The following TMEM19 variants were observed in gnomAD, a reference collection of about 807,000 sequenced individuals.
TMEM19 encodes transmembrane protein 19.
A neutral mutation model predicts 33.6 loss-of-function variants in TMEM19; 21 were observed. The observed-to-expected ratio is 0.62, with a 90% CI of 0.44 to 0.90. The LOEUF is 0.90. Ranked by LOEUF, TMEM19 falls within the 40% of genes least tolerant of loss-of-function variation. TMEM19 has a pLI of 0.00. For missense variants in TMEM19, 402 were observed against 401.8 expected, an observed-to-expected ratio of 1.00 and a Z score of 0.00; for synonymous variants, 149 against 147.5, an observed-to-expected ratio of 1.01 and a Z score of -0.07.
Position 71,686,417 on chromosome 12 carries a change from G to GCCGGCGA in TMEM19, c.-258_-252dup. 3.0e-6 allele frequency: 1 copy of GCCGGCGA among 332,484 alleles called. No individual in the cohort carries two copies. The highest frequency in any genetic ancestry group is 5.5e-6 in the Non-Finnish European group (1 of 182,708). The allele number at this position is 332,484 out of a possible 1,614,324, so 20.6% of individuals were successfully genotyped here. A position where few individuals can be genotyped will look rare whatever the true frequency, so the allele number is the denominator to read the frequency against. On this transcript the variant is annotated 5_prime_UTR_variant, in exon 1 of 6. Transcript: ENST00000266673. ...GCGTGAGGCGCTGAAGCGGCCGGCA[G>GCCGGCGA]CCGGCGACCGGCCCTCACCGTCCGC...
chr12:71,703,881 C>A lies in TMEM19; in HGVS notation c.*2886C>A. On this transcript the variant is annotated 3_prime_UTR_variant, in exon 6 of 6. Transcript: ENST00000266673. ...GAGGATAAGAAATTGTGTCTCTGTCCTTTTTTTTTTTTTTTGTTAAGTCTT... is the reference window on the plus strand; with the variant it reads ...GAGGATAAGAAATTGTGTCTCTGTCATTTTTTTTTTTTTTTGTTAAGTCTT... 1 of 204,946 alleles carries A rather than the reference C, an allele frequency of 4.9e-6. No individual in the cohort carries two copies. Among genetic ancestry groups the A allele is most frequent in the South Asian group, 5.1e-5 (1 of 19,762 alleles). 12.7% of individuals were successfully genotyped at this position (204,946 alleles called of 1,614,324 possible). A position where few individuals can be genotyped will look rare whatever the true frequency, so the allele number is the denominator to read the frequency against.
chr12:71,701,788 C>T lies in TMEM19; in HGVS notation c.*793C>T, dbSNP rs1392888719. The T allele has an allele frequency of 6.6e-6, 1 of 152,146 alleles. No individual in the cohort carries two copies. The highest frequency in any genetic ancestry group is 1.5e-5 in the Non-Finnish European group (1 of 68,026). The allele number at this position is 152,146 out of a possible 1,614,324, so 9.4% of individuals were successfully genotyped here. ...CTAGCTTTCTTTGAATTATGTATGG[C>T]AACCTGGTTTAGCACTGGCATCCTG... On this transcript the variant is annotated 3_prime_UTR_variant, in exon 6 of 6. Coordinates refer to ENST00000266673, the MANE Select transcript of TMEM19 (RefSeq NM_018279.4).
At position 71,686,328 on chromosome 12, in the gene TMEM19, G is replaced by A. The variant is rs1210585141; in HGVS notation, c.-353G>A. 1 of 254,146 alleles carries A rather than the reference G, an allele frequency of 3.9e-6. No individual in the cohort carries two copies. The highest frequency in any genetic ancestry group is 2.4e-5 in the African/African-American group (1 of 42,120). 15.7% of individuals were successfully genotyped at this position (254,146 alleles called of 1,614,324 possible). A position where few individuals can be genotyped will look rare whatever the true frequency, so the allele number is the denominator to read the frequency against. Reference sequence around the variant, plus strand: ...AGAAGGTTGCGACGGGAGGTGGGTGGAACTCGCCAGCGCCGGGACCGCGGA... The same window carrying A: ...AGAAGGTTGCGACGGGAGGTGGGTGAAACTCGCCAGCGCCGGGACCGCGGA... On this transcript the variant is annotated 5_prime_UTR_variant, in exon 1 of 6. Transcript: ENST00000266673.
rs2137589807 is a variant in TMEM19, at chr12:71,686,733, A to G, written c.53A>G (p.Asn18Ser). Residue 18 changes from asparagine to serine, a missense_variant, in exon 1 of 6, where the codon AAT becomes AGT. Asn to Ser is a conservative substitution (Grantham distance 46, BLOSUM62 1). Transcript: ENST00000266673. ...AAAAGATATATAAAGATGATAACTAATATAGTTATACTGAGCCTGATCATT... is the reference window on the plus strand; with the variant it reads ...AAAAGATATATAAAGATGATAACTAGTATAGTTATACTGAGCCTGATCATT... ...ICKRYIKMITNIVILSLIICI... is the reference protein window; with the variant it reads ...ICKRYIKMITSIVILSLIICI... 6.2e-7 allele frequency: 1 copy of G among 1,605,608 alleles called. No individual in the cohort carries two copies. Among genetic ancestry groups the G allele is most frequent in the African/African-American group, 1.3e-5 (1 of 74,880 alleles).
Position 71,701,150 on chromosome 12 carries a change from C to A in TMEM19, c.*155C>A. On this transcript the variant is annotated 3_prime_UTR_variant, in exon 6 of 6. Transcript: ENST00000266673. ...GGATTTCACATTTTCCTCTCATCAA[C>A]TCCCCTGTAATAGCTAGCGTCTTTC... 1.4e-6 allele frequency: 1 copy of A among 692,120 alleles called. No homozygotes were observed. The highest frequency in any genetic ancestry group is 2.3e-6 in the Non-Finnish European group (1 of 443,984). The allele number at this position is 692,120 out of a possible 1,614,324, so 42.9% of individuals were successfully genotyped here.
chr12:71,701,198 G>T lies in TMEM19; in HGVS notation c.*203G>T. ...TTCTAGTGAAAGAGAAGAATTCCTA[G>T]AACTTATGCATTTTTTTCCTGCTGA... is the stretch of plus-strand genomic sequence containing the variant. On this transcript the variant is annotated 3_prime_UTR_variant, in exon 6 of 6. Coordinates refer to ENST00000266673, the MANE Select transcript of TMEM19 (RefSeq NM_018279.4). The T allele has an allele frequency of 2.2e-6, 1 of 448,772 alleles. No homozygotes were observed. The highest frequency in any genetic ancestry group is 5.4e-5 in the South Asian group (1 of 18,550). The allele number at this position is 448,772 out of a possible 1,614,324, so 27.8% of individuals were successfully genotyped here.
intron 2 of TMEM19, among the ~76,000 whole-genome samples, chr12:71,692,865 TCTATGAA>T (rs1881807222): frequency 6.6e-6 from 1 of 152,062 alleles, no homozygotes; most frequent in African/African-American, 2.4e-5. Context: ...ATTATTTCAT[TCTATGAA>T]CTGTTTATCT....
Position 71,686,685 on chromosome 12 carries a change from C to T in TMEM19, c.5C>T (p.Thr2Ile), listed in dbSNP as rs774514491. Reference protein sequence around the residue: MTDLNDNICKRY... With the variant: MIDLNDNICKRY... ...GAGCTCATATCCTTATTTTCCATGA[C>T]AGATCTTAACGACAATATATGCAAA... The change falls in exon 1 of 6, where the codon ACA becomes ATA. Residue 2 changes from threonine (T) to isoleucine (I), a missense_variant. Transcript: ENST00000266673. 1 of 1,610,622 alleles carries T rather than the reference C, an allele frequency of 6.2e-7. No homozygotes were observed. The highest frequency in any genetic ancestry group is 1.7e-5 in the Admixed American group (1 of 59,392).
At chr12:71,697,905 A>G (rs1881903368) in intron 4 of TMEM19, among the ~76,000 whole-genome samples, 1 of 152,202 alleles carries the variant, frequency 6.6e-6, no homozygotes, top group Non-Finnish European at 1.5e-5. Context: ...ACAACTACAT[A>G]GGTTGAGCAT....
rs7980112 is a variant in TMEM19 at position 71,698,731 on chromosome 12, A to G, written c.638-169A>G. ...TTCTGCTTCATTGCTTAAAATGTCAAGAGTTACCGAGGAGAAAATACTGTT... is the reference window on the plus strand; with the variant it reads ...TTCTGCTTCATTGCTTAAAATGTCAGGAGTTACCGAGGAGAAAATACTGTT... On this transcript the variant is annotated intron_variant, in intron 4 of 5. Coordinates refer to ENST00000266673, the MANE Select transcript of TMEM19 (RefSeq NM_018279.4). Among the ~76,000 whole-genome samples the G allele has an allele frequency of 0.095, 14,429 of 152,192 alleles. 1,027 individuals are homozygous for G. The highest frequency in any genetic ancestry group is 0.37 in the East Asian group (1,903 of 5,164).
rs1882034394 is a variant in TMEM19, at chr12:71,704,211, A to G, written c.*3216A>G. 4.7e-6 allele frequency: 1 copy of G among 211,206 alleles called. No individual in the cohort carries two copies. Among genetic ancestry groups the G allele is most frequent in the African/African-American group, 2.3e-5 (1 of 43,528 alleles). 13.1% of individuals were successfully genotyped at this position (211,206 alleles called of 1,614,324 possible). On this transcript the variant is annotated 3_prime_UTR_variant, in exon 6 of 6. Coordinates refer to ENST00000266673, the MANE Select transcript of TMEM19 (RefSeq NM_018279.4). ...GACCAAAGAATTGATACAGCAGGTCATTCTATTATTAGCTTTTCTCATTAC... is the reference window on the plus strand; with the variant it reads ...GACCAAAGAATTGATACAGCAGGTCGTTCTATTATTAGCTTTTCTCATTAC...
Position 71,703,731 on chromosome 12 carries a change from G to A in TMEM19, c.*2736G>A, listed in dbSNP as rs1882025368. 5.5e-6 allele frequency: 1 copy of A among 182,442 alleles called. No individual in the cohort carries two copies. Among genetic ancestry groups the A allele is most frequent in the South Asian group, 1.0e-4 (1 of 9,556 alleles). The allele number at this position is 182,442 out of a possible 1,614,324, so 11.3% of individuals were successfully genotyped here. Reference sequence around the variant, plus strand: ...TCAAATATACTCCTATTTTTGTGGTGATTTATGAACATCCCCACTAAGTAT... The same window carrying A: ...TCAAATATACTCCTATTTTTGTGGTAATTTATGAACATCCCCACTAAGTAT... On this transcript the variant is annotated 3_prime_UTR_variant, in exon 6 of 6. Coordinates refer to ENST00000266673, the MANE Select transcript of TMEM19 (RefSeq NM_018279.4).
At chr12:71,696,630 G>GT in intron 3 of TMEM19, 57 bp downstream of exon 3, 196 of 1,438,854 alleles carry the variant, frequency 1.4e-4, no homozygotes, top group South Asian at 8.1e-4. Flanking sequence ...CCTAACATAA[G>GT]GTTTTTTTTT....
intron 1 of TMEM19, 62 bp from the exon 2 acceptor site, chr12:71,689,529 A>G (rs1881748720): frequency 2.3e-6 from 3 of 1,279,564 alleles, no homozygotes; most frequent in Admixed American, 1.7e-5. Context: ...ACGGAAGTTT[A>G]CTGCCAAAAC....
intron 4 of TMEM19, among the ~76,000 whole-genome samples, chr12:71,698,299 C>T (rs890069510): frequency 1.3e-5 from 2 of 152,132 alleles, no homozygotes; most frequent in Admixed American, 6.5e-5. Context: ...ATACCTACTA[C>T]AGAGCACTAT....
Position 71,697,397 on chromosome 12 carries a change from A to C in TMEM19, c.500A>C (p.Tyr167Ser). 1 of 1,610,868 alleles carries C rather than the reference A, an allele frequency of 6.2e-7. No homozygotes were observed. The highest frequency in any genetic ancestry group is 8.5e-7 in the Non-Finnish European group (1 of 1,178,826). ...GEIPVDFSKQ[Y>S]SASWMCLSLL... ...ATCCCAGTCGATTTTTCCAAGCAGT[A>C]CTCCGCTTCCTGGATGTGTTTGTCT... The change falls in exon 4 of 6, where the codon TAC (tyrosine) becomes TCC (serine). Residue 167 changes from tyrosine (Y) to serine (S), a missense_variant. Transcript: ENST00000266673.
chr12:71,699,013 T>G lies in TMEM19; in HGVS notation c.751T>G (p.Ser251Ala). The G allele has an allele frequency of 6.2e-7, 1 of 1,614,206 alleles. No homozygotes were observed. The highest frequency in any genetic ancestry group is 8.5e-7 in the Non-Finnish European group (1 of 1,180,036). ...QLIFVNDLDISAPQWPIIAFG... is the reference protein window; with the variant it reads ...QLIFVNDLDIAAPQWPIIAFG... ...GATTTTTGTGAATGATTTAGACATT[T>G]CTGCCCCGCAGTGGCCAATTATTGC... The change falls in exon 5 of 6, where the codon TCT becomes GCT. Residue 251 changes from serine (S) to alanine (A), a missense_variant. Coordinates refer to ENST00000266673, the MANE Select transcript of TMEM19 (RefSeq NM_018279.4).
At chr12:71,698,658 A>G (rs1198005545) in intron 4 of TMEM19, among the ~76,000 whole-genome samples, 1 of 142,808 alleles carries the variant, frequency 7.0e-6, no homozygotes, top group East Asian at 2.0e-4. Context: ...AGAGAGAGAG[A>G]GAAGCAGAAC....
At position 71,704,386 on chromosome 12, in the gene TMEM19, A is replaced by G. The variant is rs151196086; in HGVS notation, c.*3391A>G. On this transcript the variant is annotated 3_prime_UTR_variant, in exon 6 of 6. Coordinates refer to ENST00000266673, the MANE Select transcript of TMEM19 (RefSeq NM_018279.4). Reference sequence around the variant, plus strand: ...GAAATGATGTTTTAAACTTTGCCGCATACCTGTGATATGAACAGCTGCTGC... The same window carrying G: ...GAAATGATGTTTTAAACTTTGCCGCGTACCTGTGATATGAACAGCTGCTGC... 4 of 155,626 alleles carry G rather than the reference A, an allele frequency of 2.6e-5. No homozygotes were observed. Among genetic ancestry groups the G allele is most frequent in the African/African-American group, 7.2e-5 (3 of 41,640 alleles). 9.6% of individuals were successfully genotyped at this position (155,626 alleles called of 1,614,324 possible). A position where few individuals can be genotyped will look rare whatever the true frequency, so the allele number is the denominator to read the frequency against.
Sources: gnomAD v4.1 joint callset for allele counts (sites outside exome capture counted in the v4.1 genomes callset) on GRCh38, gnomAD v4.1.1 for gene constraint, MANE v1.5 for transcripts, NCBI Gene and HGNC (gene_info 2026-07-23, HGNC 2026-07-21) for gene names.